The following MAP3K5 variants were observed in gnomAD, a reference collection of about 807,000 sequenced individuals.
MAP3K5 encodes the protein mitogen-activated protein kinase kinase kinase 5.
MAP3K5 carries 56 observed loss-of-function variants against 158.7 expected under a neutral mutation model. The observed-to-expected ratio is 0.35, with a 90% CI of 0.28 to 0.44. The LOEUF is 0.44. Ranked by LOEUF, MAP3K5 falls within the 20% of genes least tolerant of loss-of-function variation. The pLI is 1.00. For missense variants in MAP3K5, 1,294 were observed against 1,674.8 expected (o/e 0.77, Z 3.97); for synonymous variants, 579 against 601.7 (o/e 0.96, Z 0.55).
chr6:136,751,593 A>G (rs536204623), intron 1 of MAP3K5, among the ~76,000 whole-genome samples: 1 of 152,296 alleles, frequency 6.6e-6, no homozygotes, highest in African/African-American at 2.4e-5. Context: ...ATCCCACTCA[A>G]CAATCAGGCA....
chr6:136,575,066 T>C (rs1774550881), intron 25 of MAP3K5, among the ~76,000 whole-genome samples: 1 of 152,134 alleles, frequency 6.6e-6, no homozygotes, highest in Non-Finnish European at 1.5e-5. Context: ...TGCAGAGAGT[T>C]CCTGTATAGC....
In MAP3K5 at chr6:136,611,381, T is replaced by C; in HGVS notation, c.2422A>G (p.Asn808Asp). The C allele has an allele frequency of 6.3e-7, 1 of 1,585,284 alleles. No individual in the cohort carries two copies. Among genetic ancestry groups the C allele is most frequent in the Non-Finnish European group, 8.7e-7 (1 of 1,154,018 alleles). The change falls in exon 18 of 30, where the codon AAT becomes GAT. Residue 808 changes from asparagine to aspartate, a missense_variant. Asn to Asp is a conservative substitution (Grantham distance 23, BLOSUM62 1). This residue lies in a region of MAP3K5 where 362 missense variants were observed against 463.2 expected (regional missense o/e 0.78). Transcript: ENST00000359015. ...CCACTGTAGGTATTAATCAACACAT[T>C]GTCACCCTAGAGAACAGAGGACTTT... ...QIVHRDIKGD[N>D]VLINTYSGVL...
intron 12 of MAP3K5, among the ~76,000 whole-genome samples, chr6:136,642,006 A>AAAAT (rs1352537560): frequency 2.8e-4 from 34 of 121,814 alleles, no homozygotes; most frequent in African/African-American, 1.1e-3. Flanking sequence ...AAAATAAAAT[A>AAAAT]AAATAAAATA....
chr6:136,606,171 T>C (rs1776091444), intron 18 of MAP3K5, among the ~76,000 whole-genome samples: 1 of 152,084 alleles, frequency 6.6e-6, no homozygotes, highest in African/African-American at 2.4e-5. Flanking sequence ...GCAAACATGG[T>C]GAAACCCTGT....
chr6:136,649,421 C>T (rs1427389007), intron 11 of MAP3K5, among the ~76,000 whole-genome samples: 2 of 152,220 alleles, frequency 1.3e-5, no homozygotes, highest in Non-Finnish European at 2.9e-5. Context: ...TGAGTAATTA[C>T]TATGTTTACA....
At chr6:136,681,209 T>C (rs906032228) in intron 7 of MAP3K5, among the ~76,000 whole-genome samples, 3 of 152,212 alleles carry the variant, frequency 2.0e-5, no homozygotes, top group Non-Finnish European at 4.4e-5. Context: ...TTCAGTATAA[T>C]GCCTGGCAAA....
intron 1 of MAP3K5, among the ~76,000 whole-genome samples, chr6:136,734,572 A>C (rs1782374192): frequency 6.6e-6 from 1 of 152,064 alleles, no homozygotes; most frequent in African/African-American, 2.4e-5. Flanking sequence ...ATAAATTTAG[A>C]TCTCTATAAA....
At chr6:136,607,223 T>C (rs1015062518) in intron 18 of MAP3K5, among the ~76,000 whole-genome samples, 1 of 152,214 alleles carries the variant, frequency 6.6e-6, no homozygotes, top group Non-Finnish European at 1.5e-5. Context: ...GGGCCTAGAA[T>C]AGAATTAATG....
At chr6:136,675,388 C>G (rs894309449) in intron 7 of MAP3K5, among the ~76,000 whole-genome samples, 1 of 152,022 alleles carries the variant, frequency 6.6e-6, no homozygotes, top group African/African-American at 2.4e-5. Context: ...GTACCATATT[C>G]TGGGCCGTAA....
rs1406716590 is a variant in MAP3K5 at position 136,573,951 on chromosome 6, G to A, written c.3518-6077C>T. On this transcript the variant is annotated intron_variant, in intron 25 of 29. Coordinates refer to ENST00000359015, the MANE Select transcript of MAP3K5 (RefSeq NM_005923.4). The stretch of plus-strand genomic sequence containing the variant: ...TTTTCTTTCTTTTTTTTTTTTTTGA[G>A]ACAGAGTCTCACTCTGTCACCCAGG... Among the ~76,000 whole-genome samples the A allele has an allele frequency of 2.0e-5, 3 of 146,672 alleles. No homozygotes were observed. The East Asian group carries it at 6.0e-4, about 29-fold the overall frequency.
intron 11 of MAP3K5, among the ~76,000 whole-genome samples, chr6:136,646,568 C>T (rs35116420): frequency 3.5e-4 from 54 of 152,294 alleles, no homozygotes; most frequent in East Asian, 9.6e-4. Context: ...CCTTGCTAAT[C>T]GCTAATTCCT....
At chr6:136,673,105 A>T (rs963015448) in intron 7 of MAP3K5, among the ~76,000 whole-genome samples, 2 of 152,170 alleles carry the variant, frequency 1.3e-5, no homozygotes, top group Non-Finnish European at 2.9e-5. Context: ...ACAGTATTTA[A>T]GGGATAAGAA....
intron 23 of MAP3K5, among the ~76,000 whole-genome samples, chr6:136,585,095 TTTTC>T (rs1394553652): frequency 6.7e-6 from 1 of 150,240 alleles, no homozygotes; most frequent in Non-Finnish European, 1.5e-5. Flanking sequence ...CAAAATGATT[TTTTC>T]TTTTTGTTTT....
intron 25 of MAP3K5, chr6:136,579,878 A>C: frequency 2.2e-6 from 1 of 456,798 alleles, no homozygotes; most frequent in South Asian, 1.5e-5. Flanking sequence ...GGGCTTTGAA[A>C]GCTGTAATTT....
At chr6:136,727,837 C>T (rs1261321404) in intron 1 of MAP3K5, among the ~76,000 whole-genome samples, 1 of 152,052 alleles carries the variant, frequency 6.6e-6, no homozygotes, top group Admixed American at 6.6e-5. Flanking sequence ...TGGCAGGTGC[C>T]TGTAGTCCCA....
At chr6:136,733,729 T>TCCCCCATTGTCAACATCCCC (rs369370455) in intron 1 of MAP3K5, among the ~76,000 whole-genome samples, 3 of 149,042 alleles carry the variant, frequency 2.0e-5, no homozygotes, top group African/African-American at 7.8e-5. Context: ...ACACACAGCC[T>TCCCCCATTGTCAACATCCCC]CCCCCATTGT....
chr6:136,627,288 A>G (rs1309672932), intron 14 of MAP3K5, among the ~76,000 whole-genome samples: 1 of 152,164 alleles, frequency 6.6e-6, no homozygotes, highest in East Asian at 1.9e-4. Context: ...CTGCAAAAAA[A>G]AAGTTCAGAG....
intron 23 of MAP3K5, among the ~76,000 whole-genome samples, chr6:136,588,819 G>A (rs1178677604): frequency 6.6e-6 from 1 of 152,180 alleles, no homozygotes; most frequent in African/African-American, 2.4e-5. Context: ...CACGAAGCAT[G>A]CATGACACTC....
intron 1 of MAP3K5, among the ~76,000 whole-genome samples, chr6:136,751,858 G>A (rs1442191527): frequency 1.3e-5 from 2 of 152,094 alleles, no homozygotes; most frequent in African/African-American, 2.4e-5. Flanking sequence ...TCCTACTTTC[G>A]GAAGGTTGCC....
Sources: gnomAD v4.1 joint callset for allele counts (sites outside exome capture counted in the v4.1 genomes callset) on GRCh38, gnomAD v4.1.1 for gene constraint, gnomAD v4.1.1 regional missense constraint, MANE v1.5 for transcripts, NCBI Gene and HGNC (gene_info 2026-07-23, HGNC 2026-07-21) for gene names.